The following SDCCAG8 variants were observed in gnomAD, a reference collection of about 807,000 sequenced individuals.
SDCCAG8 encodes SHH signaling and ciliogenesis regulator SDCCAG8, also known as serologically defined colon cancer antigen 8.
Under a neutral mutation model 101.8 loss-of-function variants are expected in SDCCAG8, and 74 were observed. The observed-to-expected ratio is 0.73, with a 90% CI of 0.60 to 0.88. The LOEUF is 0.88. SDCCAG8 is among the 40% of genes least tolerant of loss of function. SDCCAG8 has a pLI of 0.00. For synonymous variants in SDCCAG8, 281 were observed against 292.9 expected, an observed-to-expected ratio of 0.96 and a Z score of 0.41; for missense variants, 787 against 822.6, an observed-to-expected ratio of 0.96 and a Z score of 0.53.
In SDCCAG8 at chr1:243,475,424, GC is replaced by G. The variant is rs931811726; in HGVS notation, c.1986-13588del. Among the ~76,000 whole-genome samples, 34 of 152,178 alleles carry G rather than the reference GC, an allele frequency of 2.2e-4. 1 individual carries two copies. Among genetic ancestry groups the G allele is most frequent in the Non-Finnish European group, 4.4e-5 (3 of 68,030 alleles). ...CCACTGTGTACTGTAACCGGGAGCA[GC>G]CTGGAAGAAGGCCCCTGCTCCCCCT... On this transcript the variant is annotated intron_variant, in intron 16 of 17. Transcript: ENST00000366541.
At chr1:243,495,925 A>C (rs1413524848) in intron 17 of SDCCAG8, among the ~76,000 whole-genome samples, 1 of 152,136 alleles carries the variant, frequency 6.6e-6, no homozygotes, top group African/African-American at 2.4e-5. Flanking sequence ...CTTTGAGGTC[A>C]AACTGCCTGG....
At chr1:243,282,834 A>G (rs2069181894) in intron 4 of SDCCAG8, among the ~76,000 whole-genome samples, 1 of 150,980 alleles carries the variant, frequency 6.6e-6, no homozygotes, top group Admixed American at 6.6e-5. Context: ...TGTTTGTTTG[A>G]TTTTTGTTTT....
intron 5 of SDCCAG8, among the ~76,000 whole-genome samples, chr1:243,290,369 A>G (rs1369038628): frequency 2.6e-5 from 4 of 152,346 alleles, no homozygotes; most frequent in South Asian, 4.1e-4. Context: ...AATTCTTTCC[A>G]AAGAATGATA....
intron 13 of SDCCAG8, among the ~76,000 whole-genome samples, chr1:243,390,558 CTGCTTAACGTT>C (rs2078638325): frequency 6.6e-6 from 1 of 152,208 alleles, no homozygotes; most frequent in Non-Finnish European, 1.5e-5. Context: ...TTTGCAGGTT[CTGCTTAACGTT>C]CCCTGGCTCG....
chr1:243,256,874 C>CCAT (rs2149241236), intron 1 of SDCCAG8, among the ~76,000 whole-genome samples: 1 of 152,324 alleles, frequency 6.6e-6, no homozygotes, highest in Non-Finnish European at 1.5e-5. Flanking sequence ...ACTAATCAAG[C>CCAT]CATAATTACT....
chr1:243,298,194 G>T (rs377328656), intron 6 of SDCCAG8, among the ~76,000 whole-genome samples: 2 of 151,388 alleles, frequency 1.3e-5, no homozygotes, highest in Admixed American at 6.6e-5. Flanking sequence ...GATTACGGGC[G>T]CATGCCACCA....
Position 243,426,567 on chromosome 1 carries a change from G to A in SDCCAG8, c.1985+9G>A. The stretch of plus-strand genomic sequence containing the variant: ...GAGACGATGAAGCAAAGGTAATCAA[G>A]GTTTCATGTCAACTCATGTGCCGCA... On this transcript the variant is annotated intron_variant, in intron 16 of 17. Coordinates refer to ENST00000366541, the MANE Select transcript of SDCCAG8 (RefSeq NM_006642.5). 1.2e-6 allele frequency: 2 copies of A among 1,613,856 alleles called. No individual in the cohort carries two copies. The highest frequency in any genetic ancestry group is 2.2e-5 in the South Asian group (2 of 91,074).
Position 243,294,482 on chromosome 1 carries a change from G to GA in SDCCAG8, c.675+1263_675+1264insA, listed in dbSNP as rs2070605364. Among the ~76,000 whole-genome samples, 21 of 99,974 alleles carry GA rather than the reference G, an allele frequency of 2.1e-4. 1 individual carries two copies. Among genetic ancestry groups the GA allele is most frequent in the African/African-American group, 8.6e-4 (19 of 22,122 alleles). 65.6% of individuals were successfully genotyped at this position (99,974 alleles called of 152,430 possible). On this transcript the variant is annotated intron_variant, in intron 6 of 17. Transcript: ENST00000366541. ...CACTCCCCCCAAAAGGTGGGGGGGG[G>GA]GAGAGAGAGAGAGAGAGAAAGAGCG...
chr1:243,447,914 TA>T (rs2083057549), intron 16 of SDCCAG8, among the ~76,000 whole-genome samples: 1 of 152,236 alleles, frequency 6.6e-6, no homozygotes, highest in African/African-American at 2.4e-5. Flanking sequence ...ACTAAGCATG[TA>T]AATGGCTTCC....
intron 13 of SDCCAG8, among the ~76,000 whole-genome samples, chr1:243,408,300 C>T (rs2079930906): frequency 6.6e-6 from 1 of 152,152 alleles, no homozygotes; most frequent in Non-Finnish European, 1.5e-5. Flanking sequence ...TCCTATTCTC[C>T]ATGGATTTAG....
chr1:243,277,050 A>G (rs12026068), intron 4 of SDCCAG8, among the ~76,000 whole-genome samples: 14,062 of 152,184 alleles, frequency 0.092, 838 homozygotes, highest in Non-Finnish European at 0.13. Context: ...CTGTGCACCT[A>G]TGGGAGGGCA....
intron 15 of SDCCAG8, among the ~76,000 whole-genome samples, chr1:243,418,922 T>C (rs2039837): frequency 0.13 from 20,160 of 152,152 alleles, 1,602 homozygotes; most frequent in African/African-American, 0.21. Flanking sequence ...TGTGTCTTCT[T>C]TTCTGCATTT....
intron 16 of SDCCAG8, among the ~76,000 whole-genome samples, chr1:243,448,634 C>T (rs1376750264): frequency 6.6e-6 from 1 of 152,208 alleles, no homozygotes; most frequent in Admixed American, 6.5e-5. Flanking sequence ...ATCTCCAGTA[C>T]AGGCTTCCTT....
chr1:243,421,590 G>C (rs979499977), intron 15 of SDCCAG8, among the ~76,000 whole-genome samples: 7 of 152,144 alleles, frequency 4.6e-5, no homozygotes, highest in African/African-American at 1.7e-4. Context: ...TGCACGTAGT[G>C]GTGTCTGTAA....
intron 13 of SDCCAG8, among the ~76,000 whole-genome samples, chr1:243,397,125 G>A (rs1160523552): frequency 6.6e-6 from 1 of 152,196 alleles, no homozygotes; most frequent in East Asian, 1.9e-4. Context: ...CAGATGGAAG[G>A]AGCCAGAGCC....
chr1:243,467,359 G>C (rs899265221), intron 16 of SDCCAG8, among the ~76,000 whole-genome samples: 1 of 152,224 alleles, frequency 6.6e-6, no homozygotes, highest in Non-Finnish European at 1.5e-5. Context: ...ATAGCAATCA[G>C]TCCAGCTCCA....
At position 243,333,457 on chromosome 1, in the gene SDCCAG8, C is replaced by G. The variant is rs1196914013; in HGVS notation, c.1221+2765C>G. On this transcript the variant is annotated intron_variant, in intron 10 of 17. Coordinates refer to ENST00000366541, the MANE Select transcript of SDCCAG8 (RefSeq NM_006642.5). Reference sequence around the variant, plus strand: ...AGGTGTCAGTGTGTTTGAAACTCACCTAGGTGATTCCAATGTGCAGCCAAG... The same window carrying G: ...AGGTGTCAGTGTGTTTGAAACTCACGTAGGTGATTCCAATGTGCAGCCAAG... Among the ~76,000 whole-genome samples the G allele has an allele frequency of 2.0e-5, 3 of 152,352 alleles. No individual in the cohort carries two copies. The East Asian group carries it at 5.8e-4, about 29-fold the overall frequency.
rs922494824 is a variant in SDCCAG8 at position 243,500,065 on chromosome 1, A to G, written c.*280A>G. ...ATTCGTATGCTAGGTTATACATATG[A>G]TTTTCAATAAATGAACTTTTTAAAG... On this transcript the variant is annotated 3_prime_UTR_variant, in exon 18 of 18. Transcript: ENST00000366541. The G allele has an allele frequency of 9.1e-6, 4 of 437,660 alleles. No homozygotes were observed. The South Asian group carries it at 2.1e-4, about 23-fold the overall frequency. 27.1% of individuals were successfully genotyped at this position (437,660 alleles called of 1,614,324 possible).
intron 10 of SDCCAG8, among the ~76,000 whole-genome samples, chr1:243,332,500 A>G (rs2149351728): frequency 6.9e-6 from 1 of 145,800 alleles, no homozygotes; most frequent in East Asian, 2.1e-4. Context: ...GATTATCATA[A>G]TCCAGCTCTG....
Sources: allele counts gnomAD v4.1 joint callset (sites outside exome capture counted in the v4.1 genomes callset), GRCh38; gene constraint gnomAD v4.1.1; transcripts MANE v1.5; gene names NCBI Gene and HGNC (gene_info 2026-07-23, HGNC 2026-07-21).